Variants in RXFP1 observed in about 807,000 individuals in gnomAD.
RXFP1 encodes the protein relaxin family peptide receptor 1.
RXFP1 carries 73 observed loss-of-function variants against 89.8 expected under a neutral mutation model. The observed-to-expected ratio is 0.81, with a 90% CI of 0.67 to 0.99. RXFP1 has a LOEUF of 0.99. Ranked by LOEUF, RXFP1 falls within the 50% of genes least tolerant of loss-of-function variation. The pLI, the probability that RXFP1 is intolerant of heterozygous loss-of-function variation, is 0.00. For synonymous variants in RXFP1, 277 were observed against 305.5 expected, an observed-to-expected ratio of 0.91 and a Z score of 0.97; for missense variants, 793 against 895.5, an observed-to-expected ratio of 0.89 and a Z score of 1.46.
intron 1 of RXFP1, among the ~76,000 whole-genome samples, chr4:158,557,717 A>C (rs1485360467): frequency 6.6e-6 from 1 of 152,224 alleles, no homozygotes; most frequent in East Asian, 1.9e-4. Context: ...CTGTAATTCA[A>C]AAAAAGTCTA....
chr4:158,528,726 G>A, intron 1 of RXFP1, among the ~76,000 whole-genome samples: 1 of 152,202 alleles, frequency 6.6e-6, no homozygotes, highest in South Asian at 2.1e-4. Context: ...TGAAAAATGA[G>A]ACAGCATTGC....
In RXFP1 at chr4:158,651,814, C is replaced by G. The variant is rs1293062851; in HGVS notation, c.2033C>G (p.Pro678Arg). 6.2e-7 allele frequency: 1 copy of G among 1,613,984 alleles called. No individual in the cohort carries two copies. The highest frequency in any genetic ancestry group is 2.2e-5 in the East Asian group (1 of 44,876). Residue 678 changes from proline to arginine, a missense_variant, in exon 18 of 18, where the codon CCA becomes CGA. Coordinates refer to ENST00000307765, the MANE Select transcript of RXFP1 (RefSeq NM_021634.4). The part of the protein sequence containing the change: ...FILPINSALN[P>R]ILYTLTTRPF... ...CTGCCCATTAACAGTGCTTTGAACCCAATTCTCTATACTCTGACCACAAGA... is the reference window on the plus strand; with the variant it reads ...CTGCCCATTAACAGTGCTTTGAACCGAATTCTCTATACTCTGACCACAAGA...
chr4:158,579,165 A>G (rs569377467), intron 2 of RXFP1, among the ~76,000 whole-genome samples: 32 of 151,778 alleles, frequency 2.1e-4, no homozygotes, highest in African/African-American at 7.5e-4. Context: ...TGAAAGAGGC[A>G]AGGAAAGATT....
intron 1 of RXFP1, among the ~76,000 whole-genome samples, chr4:158,547,395 A>C (rs1431070237): frequency 6.6e-6 from 1 of 152,162 alleles, no homozygotes; most frequent in East Asian, 1.9e-4. Context: ...CCTTTCAAAA[A>C]ACGAGCTCCT....
chr4:158,541,350 G>GCACGCACACACACACACACA (rs1553993587), intron 1 of RXFP1, among the ~76,000 whole-genome samples: 2 of 139,794 alleles, frequency 1.4e-5, no homozygotes, highest in African/African-American at 5.4e-5. Context: ...AGAGCTTCAT[G>GCACGCACACACACACACACA]CACACACACA....
intron 6 of RXFP1, chr4:158,610,727 G>A (rs1293409632): frequency 1.6e-6 from 2 of 1,287,896 alleles, no homozygotes; most frequent in East Asian, 1.1e-4. Context: ...TCTTTTACCT[G>A]GAGGGTTTTT....
At chr4:158,560,671 T>C (rs1040169960) in intron 1 of RXFP1, among the ~76,000 whole-genome samples, 9 of 152,340 alleles carry the variant, frequency 5.9e-5, no homozygotes, top group African/African-American at 1.4e-4. Context: ...GTTTCCTTGG[T>C]CTTGCCAGCA....
At chr4:158,610,858 C>T (rs1424978732) in intron 6 of RXFP1, among the ~76,000 whole-genome samples, 1 of 152,104 alleles carries the variant, frequency 6.6e-6, no homozygotes, top group Non-Finnish European at 1.5e-5. Flanking sequence ...TGCTCACTAG[C>T]CCTGAGCAAA....
intron 2 of RXFP1, among the ~76,000 whole-genome samples, chr4:158,580,902 ATTC>A (rs1282569383): frequency 6.6e-6 from 1 of 152,092 alleles, no homozygotes; most frequent in East Asian, 1.9e-4. Flanking sequence ...GGTTCAAGTG[ATTC>A]TCCTGCCTCA....
chr4:158,596,525 G>A lies in RXFP1; in HGVS notation c.287-2801G>A, dbSNP rs1344825715. On this transcript the variant is annotated intron_variant, in intron 3 of 17. Coordinates refer to ENST00000307765, the MANE Select transcript of RXFP1 (RefSeq NM_021634.4). ...TCCACCCGCCTCAGCCTCCCGAAGT[G>A]CTGGGATTACAGGCATGAGCCACTG... 2.6e-5 allele frequency among the ~76,000 whole-genome samples: 4 copies of A among 152,264 alleles called. No individual in the cohort carries two copies. The East Asian group carries it at 7.7e-4, about 29-fold the overall frequency.
At chr4:158,621,603 C>A (rs1338891853) in intron 9 of RXFP1, among the ~76,000 whole-genome samples, 1 of 151,560 alleles carries the variant, frequency 6.6e-6, no homozygotes. Context: ...AAATATTAGA[C>A]ACAAAAAAAA....
At chr4:158,546,145 C>A (rs919548208) in intron 1 of RXFP1, among the ~76,000 whole-genome samples, 4 of 151,964 alleles carry the variant, frequency 2.6e-5, no homozygotes, top group East Asian at 1.9e-4. Context: ...GTTTGTAGTT[C>A]TCCTTGAAGA....
intron 1 of RXFP1, among the ~76,000 whole-genome samples, chr4:158,543,193 G>A (rs185258469): frequency 1.2e-4 from 18 of 152,244 alleles, no homozygotes; most frequent in Admixed American, 5.2e-4. Context: ...ATGCCCTGAG[G>A]CTCCTAGGTT....
In RXFP1 at chr4:158,647,135, T is replaced by C. The variant is rs1326713285; in HGVS notation, c.1690T>C (p.Phe564Leu). The C allele has an allele frequency of 1.2e-6, 2 of 1,613,550 alleles. No homozygotes were observed. Among genetic ancestry groups the C allele is most frequent in the Non-Finnish European group, 1.7e-6 (2 of 1,179,852 alleles). The change falls in exon 16 of 18, where the codon TTC becomes CTC. Residue 564 changes from phenylalanine to leucine, a missense_variant. Transcript: ENST00000307765. ...KNYYGTNGVC[F>L]PLHSEDTESI... Reference sequence around the variant, plus strand: ...CTACTATGGCACCAATGGAGTATGCTTCCCTCTTCATTCAGAAGATACAGA... The same window carrying C: ...CTACTATGGCACCAATGGAGTATGCCTCCCTCTTCATTCAGAAGATACAGA...
In RXFP1 at chr4:158,651,850, A is replaced by C. The variant is rs1309229144; in HGVS notation, c.2069A>C (p.Glu690Ala). The C allele has an allele frequency of 1.2e-6, 2 of 1,614,190 alleles. No individual in the cohort carries two copies. The highest frequency in any genetic ancestry group is 4.5e-5 in the East Asian group (2 of 44,884). The change falls in exon 18 of 18, where the codon GAA (glutamate) becomes GCA (alanine). Residue 690 changes from glutamate to alanine, a missense_variant. By Grantham distance (107) the Glu-to-Ala change is moderately radical (BLOSUM62 -1). Transcript: ENST00000307765. Reference protein sequence around the residue: ...LYTLTTRPFKEMIHRFWYNYR... With the variant: ...LYTLTTRPFKAMIHRFWYNYR... ...ACTCTGACCACAAGACCATTTAAAG[A>C]AATGATTCATCGGTTTTGGTATAAC... is the stretch of plus-strand genomic sequence containing the variant.
chr4:158,601,163 C>T (rs72693362), intron 4 of RXFP1, among the ~76,000 whole-genome samples: 6,236 of 151,742 alleles, frequency 0.041, 277 homozygotes, highest in Admixed American at 0.14. Context: ...CACATACATA[C>T]GTACATAAAG....
intron 17 of RXFP1, among the ~76,000 whole-genome samples, chr4:158,650,771 GA>G (rs570248612): frequency 3.4e-5 from 5 of 148,196 alleles, no homozygotes; most frequent in Non-Finnish European, 6.0e-5. Context: ...TCTATCTCAG[GA>G]AAAAAAAACA....
At chr4:158,540,086 G>A (rs28472896) in intron 1 of RXFP1, among the ~76,000 whole-genome samples, 3,142 of 152,228 alleles carry the variant, frequency 0.021, 103 homozygotes, top group African/African-American at 0.072. Flanking sequence ...TAGCAGAAAG[G>A]GGTCCCGATC....
In RXFP1 at chr4:158,651,897, G is replaced by T; in HGVS notation, c.2116G>T (p.Asp706Tyr). 1 of 1,614,066 alleles carries T rather than the reference G, an allele frequency of 6.2e-7. No individual in the cohort carries two copies. Among genetic ancestry groups the T allele is most frequent in the Non-Finnish European group, 8.5e-7 (1 of 1,180,016 alleles). Residue 706 changes from aspartate to tyrosine, a missense_variant, in exon 18 of 18, where the codon GAC (aspartate) becomes TAC (tyrosine). Asp to Tyr is a radical substitution (Grantham distance 160). Transcript: ENST00000307765. ...WYNYRQRKSM[D>Y]SKGQKTYAPS... The stretch of plus-strand genomic sequence containing the variant: ...TAACTACAGACAAAGAAAATCTATG[G>T]ACAGCAAAGGTCAGAAAACATATGC...
Sources: gnomAD v4.1 joint callset for allele counts (sites outside exome capture counted in the v4.1 genomes callset) on GRCh38, gnomAD v4.1.1 for gene constraint, MANE v1.5 for transcripts, NCBI Gene and HGNC (gene_info 2026-07-23, HGNC 2026-07-21) for gene names.